Variants in HDX observed in about 807,000 individuals in gnomAD.
HDX encodes the protein chromosome X open reading frame 43.
HDX carries 19 observed loss-of-function variants against 45.2 expected under a neutral mutation model. The ratio of observed to expected loss-of-function variants is 0.42; its 90% CI spans 0.29 to 0.62. The LOEUF is 0.62. HDX is among the 20% of genes least tolerant of loss of function. HDX has a pLI of 0.20. For missense variants in HDX, 532 were observed against 493.9 expected, an observed-to-expected ratio of 1.08 and a Z score of -0.73; for synonymous variants, 188 against 172.8, an observed-to-expected ratio of 1.09 and a Z score of -0.69.
At chrX:84,433,551 G>A (rs931603654) in intron 5 of HDX, among the ~76,000 whole-genome samples, 4 of 111,294 alleles carry the variant, frequency 3.6e-5, no homozygotes, top group Non-Finnish European at 5.7e-5. Context: ...CTATGTGTTC[G>A]TTTTTATATC....
At chrX:84,351,015 C>CTA (rs1481002150) in intron 6 of HDX, among the ~76,000 whole-genome samples, 1 of 66,273 alleles carries the variant, frequency 1.5e-5, no homozygotes, top group African/African-American at 7.3e-5. Flanking sequence ...TCCAGGCTAT[C>CTA]TATCTATCTA....
Position 84,344,374 on chromosome X carries a change from A to G in HDX, c.1536T>C (p.Ser512=). ...PPPRGGPADF[S]EQPESGSLSA... ...ATAAAGAACCAGACTCAGGCTGCTCAGAGAAATCAGCAGGGCCTCCTCTTG... is the reference window on the plus strand; with the variant it reads ...ATAAAGAACCAGACTCAGGCTGCTCGGAGAAATCAGCAGGGCCTCCTCTTG... Residue 512 remains serine, a synonymous_variant, in exon 7 of 11, where the codon TCT becomes TCC. Transcript: ENST00000373177. The G allele has an allele frequency of 1.7e-6, 2 of 1,206,514 alleles. No individual in the cohort carries two copies. The highest frequency in any genetic ancestry group is 2.2e-6 in the Non-Finnish European group (2 of 891,115).
intron 6 of HDX, among the ~76,000 whole-genome samples, chrX:84,351,625 A>G (rs1228899548): frequency 9.0e-6 from 1 of 110,875 alleles, no homozygotes; most frequent in Non-Finnish European, 1.9e-5. Context: ...GTTTGCACCT[A>G]TTGGTGTTTC....
intron 4 of HDX, among the ~76,000 whole-genome samples, chrX:84,453,258 A>G (rs1207964572): frequency 3.6e-5 from 4 of 112,414 alleles, no homozygotes; most frequent in African/African-American, 1.3e-4. Flanking sequence ...TAAGAACTAA[A>G]AATCAGGTTA....
chrX:84,400,890 A>G (rs893133233), intron 5 of HDX, among the ~76,000 whole-genome samples: 1 of 111,321 alleles, frequency 9.0e-6, no homozygotes, highest in African/African-American at 3.3e-5. Context: ...GACCTCAAAA[A>G]TAACACCACA....
At chrX:84,495,061 G>A (rs1338032004) in intron 1 of HDX, among the ~76,000 whole-genome samples, 5 of 110,085 alleles carry the variant, frequency 4.5e-5, no homozygotes, top group Admixed American at 3.9e-4. Flanking sequence ...GGGGAACCTC[G>A]AGGACTTTAT....
chrX:84,412,388 G>C (rs775717363), intron 5 of HDX, among the ~76,000 whole-genome samples: 5 of 111,565 alleles, frequency 4.5e-5, no homozygotes, highest in Non-Finnish European at 5.7e-5. Context: ...TTGCTTGTCT[G>C]AAAATCATCT....
chrX:84,441,070 AATT>A (rs1291765531), intron 4 of HDX, among the ~76,000 whole-genome samples: 1 of 111,259 alleles, frequency 9.0e-6, no homozygotes, highest in African/African-American at 3.3e-5. Flanking sequence ...GAAAAAGTTG[AATT>A]ATAAATTAGT....
At chrX:84,441,743 C>T (rs1282471612) in intron 4 of HDX, among the ~76,000 whole-genome samples, 1 of 111,247 alleles carries the variant, frequency 9.0e-6, no homozygotes, top group Admixed American at 9.6e-5. Flanking sequence ...GTATTTTATA[C>T]TTGAGCAAAT....
intron 5 of HDX, among the ~76,000 whole-genome samples, chrX:84,404,824 A>G (rs2038781894): frequency 9.0e-6 from 1 of 111,460 alleles, no homozygotes; most frequent in Non-Finnish European, 1.9e-5. Flanking sequence ...GGAAAACAAT[A>G]TCATGAGATT....
intron 1 of HDX, among the ~76,000 whole-genome samples, chrX:84,492,113 A>G (rs2040903978): frequency 1.8e-5 from 2 of 109,661 alleles, no homozygotes; most frequent in South Asian, 7.9e-4. Context: ...ACACAGAGAG[A>G]CTCCTAGCCT....
intron 5 of HDX, among the ~76,000 whole-genome samples, chrX:84,374,421 T>C (rs1204140812): frequency 9.1e-6 from 1 of 110,408 alleles, no homozygotes; most frequent in Non-Finnish European, 1.9e-5. Context: ...TTAAAGTTCA[T>C]ATGGAACCAA....
At chrX:84,441,561 TGAAAAA>T (rs2039761590) in intron 4 of HDX, among the ~76,000 whole-genome samples, 1 of 111,716 alleles carries the variant, frequency 9.0e-6, no homozygotes, top group African/African-American at 3.2e-5. Context: ...AATGTATGAC[TGAAAAA>T]GAAAAAGTAA....
Position 84,361,577 on chromosome X carries a change from T to C in HDX, c.1341A>G (p.Leu447=). Residue 447 remains leucine, a synonymous_variant, in exon 6 of 11, where the codon TTA becomes TTG. Transcript: ENST00000373177. ...QDRTQFSDRD[L]ATLKKYWDNG... is the part of the protein sequence containing the mutation. ...TGTCCCAATACTTCTTAAGGGTGGC[T>C]AAGTCTCGGTCACTGAACTGAGTGC... 1 of 1,202,277 alleles carries C rather than the reference T, an allele frequency of 8.3e-7. No homozygotes were observed. Among genetic ancestry groups the C allele is most frequent in the South Asian group, 1.8e-5 (1 of 55,559 alleles).
chrX:84,424,791 A>T (rs147216147), intron 5 of HDX, among the ~76,000 whole-genome samples: 1 of 110,683 alleles, frequency 9.0e-6, no homozygotes, highest in Non-Finnish European at 1.9e-5. Context: ...CCTATCTCTC[A>T]CCATAGACAA....
At chrX:84,475,836 G>C (rs2040538804) in intron 2 of HDX, among the ~76,000 whole-genome samples, 1 of 111,517 alleles carries the variant, frequency 9.0e-6, no homozygotes, top group African/African-American at 3.3e-5. Flanking sequence ...GCCAGAAGCT[G>C]TACTCTGGAA....
At chrX:84,368,183 A>G (rs933372550) in intron 5 of HDX, among the ~76,000 whole-genome samples, 1 of 111,422 alleles carries the variant, frequency 9.0e-6, no homozygotes, top group East Asian at 2.8e-4. Flanking sequence ...ATCATTTTAT[A>G]TGCTTATTGA....
chrX:84,441,193 A>G (rs764699014), intron 4 of HDX, among the ~76,000 whole-genome samples: 32 of 111,900 alleles, frequency 2.9e-4, no homozygotes, highest in Middle Eastern at 4.6e-3. Flanking sequence ...ACTGCAAGTT[A>G]CTGTAACCAT....
intron 7 of HDX, among the ~76,000 whole-genome samples, chrX:84,338,976 A>G (rs760578097): frequency 9.0e-6 from 1 of 111,264 alleles, no homozygotes; most frequent in South Asian, 3.7e-4. Context: ...CCTCCCTGAG[A>G]AGAAGCCAGC....
Sources: allele counts gnomAD v4.1 joint callset (sites outside exome capture counted in the v4.1 genomes callset), GRCh38; gene constraint gnomAD v4.1.1; transcripts MANE v1.5; gene names NCBI Gene and HGNC (gene_info 2026-07-23, HGNC 2026-07-21).